KIF14: variants seen among roughly 807,000 people sequenced by gnomAD.
KIF14 encodes the protein kinesin-like protein KIF14.
Under a neutral mutation model 176.2 loss-of-function variants are expected in KIF14, and 98 were observed. That is an observed-to-expected ratio of 0.56 (90% CI 0.47 to 0.66). KIF14 has a LOEUF of 0.66. Ranked by LOEUF, KIF14 falls within the 30% of genes least tolerant of loss-of-function variation. KIF14 has a pLI of 0.00. For synonymous variants in KIF14, 566 were observed against 632.2 expected, an observed-to-expected ratio of 0.90 and a Z score of 1.57; for missense variants, 1,751 against 1,920.4, an observed-to-expected ratio of 0.91 and a Z score of 1.65.
chr1:200,581,759 T>TC (rs759093779), intron 19 of KIF14, among the ~76,000 whole-genome samples: 37 of 136,388 alleles, frequency 2.7e-4, no homozygotes, highest in African/African-American at 8.2e-4. Context: ...AATTTCACTT[T>TC]CCTTTTTTTT....
intron 5 of KIF14, among the ~76,000 whole-genome samples, chr1:200,607,794 G>A (rs1014981325): frequency 1.3e-5 from 2 of 152,002 alleles, no homozygotes; most frequent in African/African-American, 2.4e-5. Context: ...CTCTGCCCCC[G>A]GGTTCAAGCG....
At position 200,618,406 on chromosome 1, in the gene KIF14, C is replaced by A; in HGVS notation, c.318G>T (p.Glu106Asp). The A allele has an allele frequency of 6.2e-7, 1 of 1,614,178 alleles. No individual in the cohort carries two copies. ...CTGTTTTTTCAGTTGTGTCTTCCAA[C>A]TCACTAACAAGCAAAGATGATTCTT... ...RNKESSLLVS[E>D]LEDTTEKTAE... The change falls in exon 2 of 30, where the codon GAG becomes GAT. Residue 106 changes from glutamate to aspartate, a missense_variant. By Grantham distance (45) the Glu-to-Asp change is conservative. Transcript: ENST00000367350.
chr1:200,618,912 T>C, intron 1 of KIF14, 74 bp from the exon 2 acceptor site: 1 of 527,956 alleles, frequency 1.9e-6, no homozygotes, highest in Non-Finnish European at 3.3e-6. Context: ...AACATCCCAT[T>C]GTGTAAGTAA....
intron 8 of KIF14, 90 bp from the exon 9 acceptor site, chr1:200,604,045 ATCAC>A (rs1659756782): frequency 7.9e-6 from 6 of 764,310 alleles, no homozygotes; most frequent in South Asian, 7.6e-5. Context: ...AAGATTACAC[ATCAC>A]TCTTTTATTT....
At chr1:200,599,010 G>C (rs1659501756) in intron 13 of KIF14, among the ~76,000 whole-genome samples, 1 of 152,084 alleles carries the variant, frequency 6.6e-6, no homozygotes, top group Admixed American at 6.5e-5. Context: ...CTTTAGAATA[G>C]ATCAGTTTGT....
At position 200,553,685 on chromosome 1, in the gene KIF14, A is replaced by G. The variant is rs2102547397; in HGVS notation, c.4650T>C (p.Ser1550=). The part of the protein sequence containing the change: ...NLASDFYSDF[S]VPSTSVGSYE... ...AGCTGCCAACAGAAGTAGAAGGCAC[A>G]CTGAAGTCACTGTAAAAATCACTGG... The change falls in exon 30 of 30, where the codon AGT becomes AGC. Residue 1550 remains serine, a synonymous_variant. Transcript: ENST00000367350. 1 of 1,613,780 alleles carries G rather than the reference A, an allele frequency of 6.2e-7. No individual in the cohort carries two copies. Among genetic ancestry groups the G allele is most frequent in the East Asian group, 2.2e-5 (1 of 44,860 alleles).
At chr1:200,576,345 G>A (rs1658105455) in intron 21 of KIF14, among the ~76,000 whole-genome samples, 1 of 152,024 alleles carries the variant, frequency 6.6e-6, no homozygotes, top group South Asian at 2.1e-4. Context: ...GGGCGTGGTA[G>A]CGGGCGCCTG....
At position 200,617,477 on chromosome 1, in the gene KIF14, A is replaced by G. The variant is rs142470572; in HGVS notation, c.1112+135T>C. 8.0e-5 allele frequency: 65 copies of G among 813,882 alleles called. No individual in the cohort carries two copies. In the African/African-American group the frequency reaches 9.0e-4, roughly 11 times the overall value. 50.4% of individuals were successfully genotyped at this position (813,882 alleles called of 1,614,324 possible). ...TCAACACACACTACAACTAGACCTA[A>G]AAGTTCTTTCTATATAAAAGTATTG... is the stretch of plus-strand genomic sequence containing the variant. On this transcript the variant is annotated intron_variant, in intron 2 of 29. Coordinates refer to ENST00000367350, the MANE Select transcript of KIF14 (RefSeq NM_014875.3).
chr1:200,597,562 T>C (rs1659415661), intron 14 of KIF14, among the ~76,000 whole-genome samples: 1 of 152,232 alleles, frequency 6.6e-6, no homozygotes, highest in Admixed American at 6.5e-5. Context: ...TACTAAGTAT[T>C]GGCAACGATG....
chr1:200,575,887 C>T (rs930615521), intron 21 of KIF14, among the ~76,000 whole-genome samples, 196 bp from the exon 22 acceptor site: 2 of 151,992 alleles, frequency 1.3e-5, no homozygotes, highest in Non-Finnish European at 2.9e-5. Flanking sequence ...TATTAAAAGA[C>T]ATCTACTTTT....
chr1:200,553,201 G>T lies in KIF14; in HGVS notation c.*187C>A. Reference sequence around the variant, plus strand: ...TTGTGATCTGCCCGCCTCCCAAAGTGCTGGGATTACAGGCGTGAGCCACTG... The same window carrying T: ...TTGTGATCTGCCCGCCTCCCAAAGTTCTGGGATTACAGGCGTGAGCCACTG... On this transcript the variant is annotated 3_prime_UTR_variant, in exon 30 of 30. Coordinates refer to ENST00000367350, the MANE Select transcript of KIF14 (RefSeq NM_014875.3). The T allele has an allele frequency of 2.0e-6, 1 of 512,262 alleles. No homozygotes were observed. Among genetic ancestry groups the T allele is most frequent in the South Asian group, 4.4e-5 (1 of 22,986 alleles). The allele number at this position is 512,262 out of a possible 1,614,324, so 31.7% of individuals were successfully genotyped here. A position where few individuals can be genotyped will look rare whatever the true frequency, so the allele number is the denominator to read the frequency against.
intron 1 of KIF14, among the ~76,000 whole-genome samples, chr1:200,619,786 G>T (rs552205698): frequency 2.1e-4 from 32 of 152,326 alleles, no homozygotes; most frequent in Non-Finnish European, 4.3e-4. Context: ...AACCATGCAA[G>T]ATTAGATAAA....
rs35456574 is a variant in KIF14, at chr1:200,567,532, T to TAAAAAA, written c.3662-1869_3662-1864dup. On this transcript the variant is annotated intron_variant, in intron 23 of 29. Coordinates refer to ENST00000367350, the MANE Select transcript of KIF14 (RefSeq NM_014875.3). ...CTGGGAGACAGAGCGAGACTCCGTC[T>TAAAAAA]AAAAAAAAAAAAAAAAGGCTAAAAC... Among the ~76,000 whole-genome samples, 213 of 127,750 alleles carry TAAAAAA rather than the reference T, an allele frequency of 1.7e-3. 3 individuals are homozygous for TAAAAAA. The highest frequency in any genetic ancestry group is 5.9e-3 in the African/African-American group (200 of 34,046). 83.8% of individuals were successfully genotyped at this position (127,750 alleles called of 152,430 possible).
intron 25 of KIF14, among the ~76,000 whole-genome samples, chr1:200,562,027 T>C (rs1397698287): frequency 2.0e-5 from 3 of 152,210 alleles, no homozygotes; most frequent in Non-Finnish European, 4.4e-5. Context: ...CTCTTGAGCT[T>C]TTCTTCTTTC....
rs754537198 is a variant in KIF14 at position 200,603,846 on chromosome 1, C to T, written c.1856G>A (p.Arg619Gln). 6 of 1,583,040 alleles carry T rather than the reference C, an allele frequency of 3.8e-6. No homozygotes were observed. The highest frequency in any genetic ancestry group is 5.2e-6 in the Non-Finnish European group (6 of 1,152,432). Reference protein sequence around the residue: ...RCSTAHTNGDRLKEGVSINKS... With the variant: ...RCSTAHTNGDQLKEGVSINKS... ...AAAAAGCATTCCATTTACCTTTAGT[C>T]GATCTCCATTAGTGTGAGCCGTAGA... The change falls in exon 9 of 30, where the codon CGA becomes CAA. Residue 619 changes from arginine to glutamine, a missense_variant. By Grantham distance (43) the Arg-to-Gln change is conservative. Coordinates refer to ENST00000367350, the MANE Select transcript of KIF14 (RefSeq NM_014875.3).
chr1:200,576,815 C>CT (rs929696407), intron 21 of KIF14, among the ~76,000 whole-genome samples: 1 of 151,980 alleles, frequency 6.6e-6, no homozygotes, highest in Non-Finnish European at 1.5e-5. Flanking sequence ...TAAGAATTCT[C>CT]TTTTTTTCTT....
chr1:200,587,942 T>C (rs540653554), intron 18 of KIF14, among the ~76,000 whole-genome samples: 4 of 152,334 alleles, frequency 2.6e-5, no homozygotes, highest in East Asian at 1.9e-4. Context: ...CTAGTAGATG[T>C]ATAATAACTG....
chr1:200,609,723 T>C (rs981348285), intron 4 of KIF14, among the ~76,000 whole-genome samples: 1 of 152,194 alleles, frequency 6.6e-6, no homozygotes, highest in Admixed American at 6.5e-5. Context: ...GAACAGGTAT[T>C]CAAACAAAAA....
intron 23 of KIF14, among the ~76,000 whole-genome samples, chr1:200,566,603 A>G (rs531669176): frequency 1.9e-4 from 28 of 150,672 alleles, no homozygotes; most frequent in African/African-American, 6.8e-4. Context: ...AAAAAAAAAA[A>G]AGAGAGACAG....
Sources: gnomAD v4.1 joint callset for allele counts (sites outside exome capture counted in the v4.1 genomes callset) on GRCh38, gnomAD v4.1.1 for gene constraint, MANE v1.5 for transcripts, NCBI Gene and HGNC (gene_info 2026-07-23, HGNC 2026-07-21) for gene names.